Variants in ACTR3B observed in about 807,000 individuals in gnomAD.
ACTR3B encodes the protein actin related protein 3B.
Under a neutral mutation model 59.0 loss-of-function variants are expected in ACTR3B, and 8 were observed. That is an observed-to-expected ratio of 0.14 (90% CI 0.08 to 0.24). The LOEUF (loss-of-function observed/expected upper bound fraction) is 0.24, where lower values mean the gene tolerates loss of function less well. Ranked by LOEUF, ACTR3B falls within the 10% of genes least tolerant of loss-of-function variation. ACTR3B has a pLI of 1.00. For synonymous variants in ACTR3B, 148 were observed against 197.9 expected (o/e 0.75, Z 2.12); for missense variants, 245 against 552.3 (o/e 0.44, Z 5.58).
At chr7:152,798,685 A>C (rs2098225355) in intron 2 of ACTR3B, among the ~76,000 whole-genome samples, 1 of 152,178 alleles carries the variant, frequency 6.6e-6, no homozygotes, top group African/African-American at 2.4e-5. Flanking sequence ...TCTTTAATCC[A>C]TTTTGAGTTA....
chr7:152,830,007 C>G (rs187492551), intron 9 of ACTR3B, among the ~76,000 whole-genome samples: 2 of 152,078 alleles, frequency 1.3e-5, no homozygotes, highest in Non-Finnish European at 2.9e-5. Context: ...GCTAAAAATA[C>G]GGAAATAACT....
At chr7:152,807,999 A>G (rs2098257751) in intron 4 of ACTR3B, among the ~76,000 whole-genome samples, 1 of 152,150 alleles carries the variant, frequency 6.6e-6, no homozygotes, top group African/African-American at 2.4e-5. Context: ...CATCTTCCCA[A>G]ACTAAAACTC....
chr7:152,845,224 C>T (rs1249814196), intron 9 of ACTR3B, among the ~76,000 whole-genome samples: 2 of 151,908 alleles, frequency 1.3e-5, no homozygotes, highest in African/African-American at 2.4e-5. Flanking sequence ...GGACTCAGAG[C>T]ACCCCTCAGT....
At chr7:152,823,939 G>C (rs371630108) in intron 8 of ACTR3B, among the ~76,000 whole-genome samples, 30 of 152,184 alleles carry the variant, frequency 2.0e-4, no homozygotes, top group African/African-American at 7.2e-4. Flanking sequence ...CTGGACAGTT[G>C]GTCCTGCTCT....
At chr7:152,766,434 G>A (rs1467871477) in intron 1 of ACTR3B, among the ~76,000 whole-genome samples, 2 of 152,134 alleles carry the variant, frequency 1.3e-5, no homozygotes, top group Admixed American at 1.3e-4. Flanking sequence ...CATAAACCAC[G>A]TTGTTTGCCA....
chr7:152,760,314 G>A (rs962140044), intron 1 of ACTR3B, among the ~76,000 whole-genome samples: 1 of 152,172 alleles, frequency 6.6e-6, no homozygotes, highest in South Asian at 2.1e-4. Context: ...ATTCGCCAGC[G>A]TGAGGCACAG....
chr7:152,828,407 T>A (rs1796751368), intron 9 of ACTR3B, among the ~76,000 whole-genome samples: 1 of 152,164 alleles, frequency 6.6e-6, no homozygotes. Context: ...AGAAGCAGCG[T>A]CTGAGCAGTG....
In ACTR3B at chr7:152,801,626, G is replaced by C. The variant is rs774640354; in HGVS notation, c.231G>C (p.Pro77=). Residue 77 remains proline, a synonymous_variant, in exon 4 of 12, where the codon CCG becomes CCC. Coordinates refer to ENST00000256001, the MANE Select transcript of ACTR3B (RefSeq NM_020445.6). ...TCTGGTGTCTCTTCCTCCAGTGGCC[G>C]ATACGACATGGAATCATTGAAGACT... ...IDKPTYATKW[P]IRHGIIEDWD... 8 of 1,412,506 alleles carry C rather than the reference G, an allele frequency of 5.7e-6. No individual in the cohort carries two copies. In the South Asian group the frequency reaches 7.0e-5, roughly 12 times the overall value. The allele number at this position is 1,412,506 out of a possible 1,614,324, so 87.5% of individuals were successfully genotyped here.
chr7:152,831,412 G>T (rs996396336), intron 9 of ACTR3B, among the ~76,000 whole-genome samples: 1 of 152,238 alleles, frequency 6.6e-6, no homozygotes, highest in Non-Finnish European at 1.5e-5. Context: ...GTGTGGACAG[G>T]AGTGTGAGGA....
intron 2 of ACTR3B, among the ~76,000 whole-genome samples, chr7:152,794,984 T>A (rs1263728967): frequency 6.6e-6 from 1 of 152,096 alleles, no homozygotes; most frequent in African/African-American, 2.4e-5. Context: ...TTCACCTTTT[T>A]ATCCTGTTAC....
chr7:152,798,507 C>T (rs1398971610), intron 2 of ACTR3B, among the ~76,000 whole-genome samples: 7 of 152,140 alleles, frequency 4.6e-5, no homozygotes, highest in Admixed American at 4.6e-4. Context: ...TGATTGTTTT[C>T]TTTGCTGTGC....
chr7:152,854,775 C>CCCTCGCTCTCCCTCCTCCTCCT lies in ACTR3B; in HGVS notation c.*227_*248dup. ...CCTCCTCCTTCTCCCGCCCTCCTCACCCTCGCTCTCCCTCCTCCTCCTCCT... is the reference window on the plus strand; with the variant it reads ...CCTCCTCCTTCTCCCGCCCTCCTCACCCTCGCTCTCCCTCCTCCTCCTCCTCGCTCTCCCTCCTCCTCCTCCT... On this transcript the variant is annotated 3_prime_UTR_variant, in exon 12 of 12. Transcript: ENST00000256001. This position sits in a 1 kb window ranked among gnomAD's most constrained non-coding sequence, Gnocchi z 4.9. The CCCTCGCTCTCCCTCCTCCTCCT allele has an allele frequency of 2.0e-6, 1 of 505,376 alleles. No homozygotes were observed. The highest frequency in any genetic ancestry group is 3.5e-6 in the Non-Finnish European group (1 of 281,834). The allele number at this position is 505,376 out of a possible 1,614,324, so 31.3% of individuals were successfully genotyped here.
chr7:152,834,858 C>T (rs1207663370), intron 9 of ACTR3B, among the ~76,000 whole-genome samples: 1 of 152,148 alleles, frequency 6.6e-6, no homozygotes, highest in African/African-American at 2.4e-5. Flanking sequence ...AAAATGCTGA[C>T]CTGGCTTAGC....
chr7:152,761,630 G>T (rs1443479787), intron 1 of ACTR3B, among the ~76,000 whole-genome samples: 3 of 152,148 alleles, frequency 2.0e-5, no homozygotes, highest in Non-Finnish European at 4.4e-5. Flanking sequence ...CCAAAGTCAT[G>T]CTTCAGAAGT....
intron 4 of ACTR3B, among the ~76,000 whole-genome samples, chr7:152,804,061 A>G (rs2098244774): frequency 6.6e-6 from 1 of 152,184 alleles, no homozygotes; most frequent in African/African-American, 2.4e-5. Flanking sequence ...TCACAGAATT[A>G]TCCTTTCTGA....
At chr7:152,815,596 C>T (rs752542042) in intron 5 of ACTR3B, among the ~76,000 whole-genome samples, 42 of 152,316 alleles carry the variant, frequency 2.8e-4, no homozygotes, top group Non-Finnish European at 5.1e-4. Context: ...TGGGCGCCGC[C>T]GTGTGCATTG....
chr7:152,759,870 G>A lies in ACTR3B; in HGVS notation c.-13G>A. 1.5e-6 allele frequency: 2 copies of A among 1,319,752 alleles called. No individual in the cohort carries two copies. The highest frequency in any genetic ancestry group is 9.7e-7 in the Non-Finnish European group (1 of 1,025,944). The allele number at this position is 1,319,752 out of a possible 1,614,324, so 81.8% of individuals were successfully genotyped here. On this transcript the variant is annotated 5_prime_UTR_variant, in exon 1 of 12. Transcript: ENST00000256001. Reference sequence around the variant, plus strand: ...CGGGCTGCCGGCGGGGCCGAGCGCCGCGCGTCCCGAGCATGGCAGGCTCCC... The same window carrying A: ...CGGGCTGCCGGCGGGGCCGAGCGCCACGCGTCCCGAGCATGGCAGGCTCCC...
chr7:152,809,800 TA>T (rs2098264081), intron 4 of ACTR3B, among the ~76,000 whole-genome samples: 1 of 152,082 alleles, frequency 6.6e-6, no homozygotes, highest in Admixed American at 6.6e-5. Context: ...CTCAGCCTCC[TA>T]AAGTGTTGGG....
intron 2 of ACTR3B, among the ~76,000 whole-genome samples, chr7:152,799,503 T>C (rs147117334): frequency 2.0e-5 from 3 of 152,324 alleles, no homozygotes; most frequent in East Asian, 3.9e-4. Flanking sequence ...TCAATAAATG[T>C]AAACTTTAAT....
Sources: allele counts gnomAD v4.1 joint callset (sites outside exome capture counted in the v4.1 genomes callset), GRCh38; gene constraint gnomAD v4.1.1; non-coding constraint Gnocchi (gnomAD v3.1); transcripts MANE v1.5; gene names NCBI Gene and HGNC (gene_info 2026-07-23, HGNC 2026-07-21).